Variants in FHOD3 observed in about 807,000 individuals in gnomAD.
FHOD3 encodes the protein formin homology 2 domain containing 3.
Under a neutral mutation model 173.0 loss-of-function variants are expected in FHOD3, and 90 were observed. That is an observed-to-expected ratio of 0.52 (90% CI 0.44 to 0.62). The LOEUF is 0.62. Ranked by LOEUF, FHOD3 falls within the 20% of genes least tolerant of loss-of-function variation. FHOD3 has a pLI of 0.00. For synonymous variants in FHOD3, 828 were observed against 823.0 expected, an observed-to-expected ratio of 1.01 and a Z score of -0.10; for missense variants, 1,945 against 2,034.7, an observed-to-expected ratio of 0.96 and a Z score of 0.85.
chr18:36,447,568 A>G (rs115504361), intron 3 of FHOD3, among the ~76,000 whole-genome samples: 1,543 of 152,288 alleles, frequency 0.01, 27 homozygotes, highest in African/African-American at 0.035. Context: ...GGTGTGGACC[A>G]TGGGTTTCTC....
intron 6 of FHOD3, among the ~76,000 whole-genome samples, chr18:36,593,106 A>G (rs1317250913): frequency 6.6e-6 from 1 of 152,238 alleles, no homozygotes; most frequent in Non-Finnish European, 1.5e-5. Flanking sequence ...TTGGTTGCCC[A>G]GAGGCAGAGG....
chr18:36,716,342 C>T (rs2040448898), intron 18 of FHOD3, among the ~76,000 whole-genome samples: 1 of 152,110 alleles, frequency 6.6e-6, no homozygotes, highest in Admixed American at 6.5e-5. Flanking sequence ...ACAAGATGCA[C>T]AGCAACACTG....
intron 3 of FHOD3, among the ~76,000 whole-genome samples, chr18:36,394,715 G>A (rs569301213): frequency 2.0e-4 from 30 of 152,238 alleles, no homozygotes; most frequent in African/African-American, 7.0e-4. Flanking sequence ...CTTGCCCCAG[G>A]CCTGTAATCA....
intron 3 of FHOD3, among the ~76,000 whole-genome samples, chr18:36,492,061 G>C (rs761261706): frequency 7.2e-5 from 11 of 152,140 alleles, no homozygotes; most frequent in Non-Finnish European, 1.2e-4. Flanking sequence ...GTAAAGCTGT[G>C]ACCAGGCCAG....
At chr18:36,442,282 T>C (rs1488701272) in intron 3 of FHOD3, among the ~76,000 whole-genome samples, 1 of 152,152 alleles carries the variant, frequency 6.6e-6, no homozygotes, top group Non-Finnish European at 1.5e-5. Context: ...AGCAGTTGAT[T>C]TTTTTTTCCT....
intron 10 of FHOD3, among the ~76,000 whole-genome samples, chr18:36,638,406 G>T (rs886221325): frequency 6.6e-6 from 1 of 152,174 alleles, no homozygotes; most frequent in African/African-American, 2.4e-5. Context: ...AGCAGACCAG[G>T]TCCTGCAGGG....
chr18:36,573,677 CT>C (rs2058542595), intron 5 of FHOD3, among the ~76,000 whole-genome samples: 1 of 152,066 alleles, frequency 6.6e-6, no homozygotes, highest in Admixed American at 6.6e-5. Flanking sequence ...TGTGATGTTG[CT>C]TTTTACTTAT....
intron 4 of FHOD3, among the ~76,000 whole-genome samples, chr18:36,507,413 A>G (rs550430898): frequency 1.3e-4 from 20 of 152,368 alleles, no homozygotes; most frequent in African/African-American, 4.3e-4. Flanking sequence ...ATGTATATGT[A>G]AATGTTCCAA....
Position 36,755,290 on chromosome 18 carries a change from C to G in FHOD3, c.4404C>G (p.Thr1468=). The G allele has an allele frequency of 6.3e-7, 1 of 1,591,682 alleles. No individual in the cohort carries two copies. The highest frequency in any genetic ancestry group is 8.6e-7 in the Non-Finnish European group (1 of 1,167,072). ...KRANHRERNK[T]RGKMITDTDE... is the part of the protein sequence containing the mutation. ...CCAACCACAGAGAGAGAAATAAGACCAGAGGGAAGATGATCACCGATGTAA... is the reference window on the plus strand; with the variant it reads ...CCAACCACAGAGAGAGAAATAAGACGAGAGGGAAGATGATCACCGATGTAA... Residue 1468 remains threonine (T), a synonymous_variant, in exon 25 of 29, where the codon ACC becomes ACG. Transcript: ENST00000590592.
intron 7 of FHOD3, among the ~76,000 whole-genome samples, chr18:36,595,243 T>C (rs544601069): frequency 5.8e-4 from 89 of 152,180 alleles, no homozygotes; most frequent in Non-Finnish European, 9.9e-4. Flanking sequence ...TCCCCTCCCC[T>C]CTACGCTTCA....
intron 14 of FHOD3, among the ~76,000 whole-genome samples, chr18:36,673,512 A>G (rs978422491): frequency 6.6e-6 from 1 of 152,182 alleles, no homozygotes; most frequent in African/African-American, 2.4e-5. Context: ...GAACCTGAGT[A>G]AAGTATTCCT....
chr18:36,588,610 T>C (rs2059116285), intron 6 of FHOD3, among the ~76,000 whole-genome samples: 1 of 152,242 alleles, frequency 6.6e-6, no homozygotes, highest in Admixed American at 6.5e-5. Context: ...AATTAGGAAT[T>C]TGAAGATTTT....
At chr18:36,620,222 A>C (rs1161196152) in intron 9 of FHOD3, among the ~76,000 whole-genome samples, 1 of 152,188 alleles carries the variant, frequency 6.6e-6, no homozygotes, top group Non-Finnish European at 1.5e-5. Flanking sequence ...GATGTGTCTG[A>C]AGTTTCAACC....
chr18:36,389,788 T>A (rs2048207768), intron 3 of FHOD3, among the ~76,000 whole-genome samples: 1 of 152,092 alleles, frequency 6.6e-6, no homozygotes, highest in Non-Finnish European at 1.5e-5. Flanking sequence ...TTCTATGCAC[T>A]CCCCTAGACT....
At chr18:36,366,516 CAATA>C (rs1033358996) in intron 2 of FHOD3, among the ~76,000 whole-genome samples, 16 of 152,286 alleles carry the variant, frequency 1.1e-4, no homozygotes, top group African/African-American at 3.9e-4. Flanking sequence ...ATTTTACAGA[CAATA>C]AAGCCAAGGC....
intron 2 of FHOD3, among the ~76,000 whole-genome samples, chr18:36,360,250 T>G (rs969922943): frequency 2.0e-5 from 3 of 152,210 alleles, no homozygotes; most frequent in Admixed American, 6.5e-5. Flanking sequence ...CTGAGAACCA[T>G]GATGTTTCAG....
At chr18:36,600,175 T>C (rs1449527862) in intron 7 of FHOD3, among the ~76,000 whole-genome samples, 1 of 151,896 alleles carries the variant, frequency 6.6e-6, no homozygotes, top group Non-Finnish European at 1.5e-5. Flanking sequence ...TCCTTTGGGA[T>C]CCAGTTTCTT....
intron 10 of FHOD3, among the ~76,000 whole-genome samples, chr18:36,645,645 G>A (rs1403374855): frequency 6.6e-6 from 1 of 151,752 alleles, no homozygotes; most frequent in African/African-American, 2.4e-5. Context: ...TATAGAAAGG[G>A]GAATTACAGA....
intron 3 of FHOD3, among the ~76,000 whole-genome samples, chr18:36,490,474 A>G (rs1384778352): frequency 6.6e-6 from 1 of 152,164 alleles, no homozygotes; most frequent in Non-Finnish European, 1.5e-5. Flanking sequence ...AACCAGACCA[A>G]ATGGGTGTGG....
Sources: gnomAD v4.1 joint callset for allele counts (sites outside exome capture counted in the v4.1 genomes callset) on GRCh38, gnomAD v4.1.1 for gene constraint, MANE v1.5 for transcripts, NCBI Gene and HGNC (gene_info 2026-07-23, HGNC 2026-07-21) for gene names.